The following LDB2 variants were observed in gnomAD, a reference collection of about 807,000 sequenced individuals.
LDB2 encodes the protein LIM domain-binding protein 2.
Under a neutral mutation model 44.3 loss-of-function variants are expected in LDB2, and 12 were observed. The ratio of observed to expected loss-of-function variants is 0.27; its 90% confidence interval spans 0.17 to 0.44. The LOEUF (loss-of-function observed/expected upper bound fraction) is 0.44, where lower values mean the gene tolerates loss of function less well. LDB2 is among the 20% of genes least tolerant of loss of function. LDB2 has a pLI of 1.00. For synonymous variants in LDB2, 164 were observed against 174.8 expected (o/e 0.94, Z 0.49); for missense variants, 344 against 473.5 (o/e 0.73, Z 2.54).
Position 16,577,630 on chromosome 4 carries a change from C to T in LDB2, c.615+8292G>A, listed in dbSNP as rs149094886. 3.2e-3 allele frequency among the ~76,000 whole-genome samples: 493 copies of T among 152,106 alleles called. 2 individuals carry two copies. Among genetic ancestry groups the T allele is most frequent in the African/African-American group, 0.011 (457 of 41,550 alleles). Reference sequence around the variant, plus strand: ...CTGATTGAAAGAATCAATATTGTTACAATGTCCATACTACCCAAAGCAATC... The same window carrying T: ...CTGATTGAAAGAATCAATATTGTTATAATGTCCATACTACCCAAAGCAATC... On this transcript the variant is annotated intron_variant, in intron 5 of 7. Transcript: ENST00000304523.
intron 1 of LDB2, among the ~76,000 whole-genome samples, chr4:16,894,132 A>G (rs941027728): frequency 6.6e-6 from 1 of 152,170 alleles, no homozygotes; most frequent in Admixed American, 6.5e-5. Flanking sequence ...TCTTCAGAAC[A>G]TATTTTTATA....
chr4:16,523,907 C>T (rs1318401045), intron 5 of LDB2, among the ~76,000 whole-genome samples: 3 of 152,186 alleles, frequency 2.0e-5, no homozygotes, highest in Admixed American at 6.5e-5. Flanking sequence ...AGACCTGCAG[C>T]AACTAATATT....
rs548521123 is a variant in LDB2 at position 16,524,938 on chromosome 4, T to G, written c.616-12834A>C. Among the ~76,000 whole-genome samples the G allele has an allele frequency of 3.3e-5, 5 of 152,298 alleles. No individual in the cohort carries two copies. The East Asian group carries it at 5.8e-4, about 18-fold the overall frequency. On this transcript the variant is annotated intron_variant, in intron 5 of 7. Coordinates refer to ENST00000304523, the MANE Select transcript of LDB2 (RefSeq NM_001290.5). ...TATTCTTCCCAGGGACCTGAGAGAC[T>G]AGGTACTTACGGTAAGGTAATATTT...
intron 1 of LDB2, among the ~76,000 whole-genome samples, chr4:16,887,748 T>C (rs76701823): frequency 0.064 from 9,803 of 152,108 alleles, 537 homozygotes; most frequent in African/African-American, 0.14. Context: ...CACAAGATCT[T>C]ACTTTATAAA....
intron 1 of LDB2, among the ~76,000 whole-genome samples, chr4:16,823,661 C>T (rs1782520515): frequency 6.6e-6 from 1 of 152,190 alleles, no homozygotes; most frequent in Admixed American, 6.5e-5. Flanking sequence ...AAAGCCATAC[C>T]TTTGAACTGA....
chr4:16,714,456 A>G (rs909936231), intron 2 of LDB2, among the ~76,000 whole-genome samples: 31 of 152,226 alleles, frequency 2.0e-4, no homozygotes, highest in African/African-American at 7.5e-4. Flanking sequence ...TGCTGCCAGG[A>G]CTACTCTCTG....
chr4:16,778,498 A>G (rs1450447412), intron 1 of LDB2, among the ~76,000 whole-genome samples: 1 of 152,018 alleles, frequency 6.6e-6, no homozygotes, highest in Non-Finnish European at 1.5e-5. Context: ...GCTTATCACA[A>G]CCACCATCAA....
intron 1 of LDB2, among the ~76,000 whole-genome samples, chr4:16,892,677 G>C (rs35588425): frequency 0.055 from 8,364 of 152,220 alleles, 260 homozygotes; most frequent in African/African-American, 0.063. Flanking sequence ...TCGTTTGCTT[G>C]TTCAGAAAGC....
In LDB2 at chr4:16,565,981, T is replaced by C. The variant is rs77745976; in HGVS notation, c.615+19941A>G. Among the ~76,000 whole-genome samples the C allele has an allele frequency of 3.3e-3, 495 of 151,786 alleles. 4 individuals are homozygous for C. The highest frequency in any genetic ancestry group is 0.011 in the African/African-American group (457 of 41,448). On this transcript the variant is annotated intron_variant, in intron 5 of 7. Coordinates refer to ENST00000304523, the MANE Select transcript of LDB2 (RefSeq NM_001290.5). ...ACATGTATCTATACATACACACATA[T>C]ACACACACACAAGAAACTCTCAAAA...
At chr4:16,577,632 A>G (rs1712280202) in intron 5 of LDB2, among the ~76,000 whole-genome samples, 1 of 152,168 alleles carries the variant, frequency 6.6e-6, no homozygotes, top group South Asian at 2.1e-4. Context: ...TATTGTTACA[A>G]TGTCCATACT....
At chr4:16,680,372 C>T (rs540014950) in intron 2 of LDB2, among the ~76,000 whole-genome samples, 2 of 152,302 alleles carry the variant, frequency 1.3e-5, no homozygotes, top group Admixed American at 6.5e-5. Flanking sequence ...CTTCAGCCTG[C>T]TCTTTGTTTT....
At chr4:16,534,444 C>G (rs1731097821) in intron 5 of LDB2, among the ~76,000 whole-genome samples, 1 of 152,190 alleles carries the variant, frequency 6.6e-6, no homozygotes, top group South Asian at 2.1e-4. Flanking sequence ...GAATTCTCGT[C>G]TCCAGCACTG....
intron 5 of LDB2, among the ~76,000 whole-genome samples, chr4:16,520,127 C>G (rs895797784): frequency 6.6e-6 from 1 of 151,902 alleles, no homozygotes; most frequent in African/African-American, 2.4e-5. Flanking sequence ...TTTTTTCACC[C>G]TCCCCTCCCC....
chr4:16,799,145 G>T (rs1329287915), intron 1 of LDB2, among the ~76,000 whole-genome samples: 2 of 152,094 alleles, frequency 1.3e-5, no homozygotes, highest in Non-Finnish European at 2.9e-5. Flanking sequence ...GAGCCACCGC[G>T]CCCGGCTCGT....
intron 1 of LDB2, among the ~76,000 whole-genome samples, chr4:16,769,522 C>A (rs1770158253): frequency 6.6e-6 from 1 of 151,684 alleles, no homozygotes; most frequent in African/African-American, 2.4e-5. Context: ...TCTCGAACTC[C>A]TGACCTCAGG....
chr4:16,522,187 G>C (rs551733513), intron 5 of LDB2, among the ~76,000 whole-genome samples: 4 of 152,084 alleles, frequency 2.6e-5, no homozygotes, highest in Non-Finnish European at 5.9e-5. Context: ...TTACCAAGAG[G>C]GGGGCAGGGG....
intron 4 of LDB2, among the ~76,000 whole-genome samples, chr4:16,586,516 ACACACACAC>A (rs1398544443): frequency 5.9e-5 from 5 of 84,966 alleles, no homozygotes; most frequent in East Asian, 8.4e-4. Flanking sequence ...ACACACACAC[ACACACACAC>A]AAAACACACA....
chr4:16,736,608 G>C (rs1761960460), intron 2 of LDB2, among the ~76,000 whole-genome samples: 1 of 152,180 alleles, frequency 6.6e-6, no homozygotes, highest in South Asian at 2.1e-4. Flanking sequence ...CCACACAAGT[G>C]GTTGTGTGGG....
At chr4:16,665,368 T>C (rs188630103) in intron 2 of LDB2, among the ~76,000 whole-genome samples, 100 of 147,080 alleles carry the variant, frequency 6.8e-4, no homozygotes, top group African/African-American at 2.3e-3. Context: ...CAGGTTCAAA[T>C]GATTCTCCTG....
Sources: gnomAD v4.1 joint callset for allele counts (sites outside exome capture counted in the v4.1 genomes callset) on GRCh38, gnomAD v4.1.1 for gene constraint, MANE v1.5 for transcripts, NCBI Gene and HGNC (gene_info 2026-07-23, HGNC 2026-07-21) for gene names.